Variants in PUDP observed in about 807,000 individuals in gnomAD.
The protein encoded by PUDP is pseudouridine-5'-phosphatase.
A neutral mutation model predicts 9.4 loss-of-function variants in PUDP; 8 were observed. That is an observed-to-expected ratio of 0.85 (90% CI 0.50 to 1.53). The LOEUF is 1.53. PUDP is among the 40% of genes most tolerant of loss of function. The pLI, the probability that PUDP is intolerant of heterozygous loss-of-function variation, is 0.00. For synonymous variants in PUDP, 99 were observed against 80.7 expected (o/e 1.23, Z -1.22); for missense variants, 188 against 189.7 (o/e 0.99, Z 0.05).
intron 3 of PUDP, among the ~76,000 whole-genome samples, chrX:6,743,834 G>C (rs1924967751): frequency 8.9e-6 from 1 of 112,200 alleles, no homozygotes; most frequent in Non-Finnish European, 1.9e-5. Flanking sequence ...ATACAGGGAA[G>C]TTATAATAAG....
chrX:6,876,430 A>G (rs1602655482), intron 3 of PUDP, among the ~76,000 whole-genome samples: 1 of 110,738 alleles, frequency 9.0e-6, no homozygotes, highest in East Asian at 2.9e-4. Flanking sequence ...GTGTGTGTGT[A>G]TATGCATATA....
chrX:6,973,912 G>T (rs767986190), intron 3 of PUDP, among the ~76,000 whole-genome samples: 88 of 111,594 alleles, frequency 7.9e-4, no homozygotes, highest in African/African-American at 2.9e-3. Flanking sequence ...ATATATTTAG[G>T]ATAGTTAGCT....
At position 6,851,497 on chromosome X, in the gene PUDP, G is replaced by GGA. The variant is rs1168463269; in HGVS notation, c.*247+125634_*247+125635dup. Among the ~76,000 whole-genome samples the GGA allele has an allele frequency of 4.4e-4, 48 of 109,174 alleles. 1 individual carries two copies. Among genetic ancestry groups the GGA allele is most frequent in the Non-Finnish European group, 7.1e-4 (37 of 52,260 alleles). 94.8% of individuals were successfully genotyped at this position (109,174 alleles called of 115,157 possible). ...GAAAGAGAGGAAGATGGAGAGAAAGGGAGAGAGAGAGAGAGAAGGGAGCGA... is the reference window on the plus strand; with the variant it reads ...GAAAGAGAGGAAGATGGAGAGAAAGGGAGAGAGAGAGAGAGAGAAGGGAGCGA... On this transcript the variant is annotated intron_variant and NMD_transcript_variant, in intron 3 of 3. Coordinates refer to the PUDP transcript ENST00000655425.
intron 3 of PUDP, among the ~76,000 whole-genome samples, chrX:6,733,951 T>C (rs1040943546): frequency 1.8e-5 from 2 of 108,597 alleles, no homozygotes; most frequent in Non-Finnish European, 3.8e-5. Context: ...CTAATTTTCA[T>C]ATTTTTACTA....
intron 3 of PUDP, among the ~76,000 whole-genome samples, chrX:6,973,734 G>C (rs776187379): frequency 9.0e-6 from 1 of 111,280 alleles, no homozygotes; most frequent in African/African-American, 3.3e-5. Flanking sequence ...CTTGGTCCAG[G>C]GCTGAGTTCA....
At chrX:6,979,621 T>C (rs1217072281) in intron 1 of PUDP, among the ~76,000 whole-genome samples, 2 of 111,982 alleles carry the variant, frequency 1.8e-5, no homozygotes, top group Non-Finnish European at 3.8e-5. Flanking sequence ...ACCTAGTTCC[T>C]GCTAAGCCTT....
chrX:6,820,861 G>A (rs958483219), intron 3 of PUDP, among the ~76,000 whole-genome samples: 1 of 111,456 alleles, frequency 9.0e-6, no homozygotes, highest in Non-Finnish European at 1.9e-5. Flanking sequence ...TCTAGAGGAC[G>A]GTGGCCCACT....
intron 1 of PUDP, among the ~76,000 whole-genome samples, chrX:7,010,756 C>T (rs1226220661): frequency 1.8e-5 from 2 of 111,840 alleles, no homozygotes; most frequent in Non-Finnish European, 3.8e-5. Context: ...TCTCCCCAGG[C>T]TCATTGAACA....
intron 3 of PUDP, among the ~76,000 whole-genome samples, chrX:7,075,105 G>C (rs181095028): frequency 4.7e-4 from 53 of 112,122 alleles, no homozygotes; most frequent in African/African-American, 1.7e-3. Flanking sequence ...TAAAACACTT[G>C]GAATTTCTGA....
chrX:7,145,607 T>G (rs745638280), intron 1 of PUDP, among the ~76,000 whole-genome samples: 2 of 110,580 alleles, frequency 1.8e-5, no homozygotes, highest in South Asian at 7.8e-4. Flanking sequence ...GTATTTTTTT[T>G]TTTTTTTAAA....
chrX:7,121,283 T>C (rs1296724928), intron 1 of PUDP, among the ~76,000 whole-genome samples: 1 of 112,048 alleles, frequency 8.9e-6, no homozygotes, highest in Non-Finnish European at 1.9e-5. Context: ...GAAATCTTCC[T>C]GGGACTTCTC....
chrX:7,110,799 G>A (rs949833581), intron 1 of PUDP, among the ~76,000 whole-genome samples: 17 of 111,038 alleles, frequency 1.5e-4, no homozygotes, highest in Non-Finnish European at 5.7e-5. Flanking sequence ...GAGCTTCTGA[G>A]ACTCATTGTC....
intron 3 of PUDP, among the ~76,000 whole-genome samples, chrX:6,825,173 C>T (rs1165480582): frequency 1.8e-5 from 2 of 111,457 alleles, no homozygotes; most frequent in South Asian, 7.6e-4. Context: ...CTGCACATAA[C>T]GTTTTAGGAT....
chrX:7,060,612 A>G (rs968956073), intron 3 of PUDP, among the ~76,000 whole-genome samples: 3 of 112,428 alleles, frequency 2.7e-5, no homozygotes, highest in Non-Finnish European at 5.6e-5. Context: ...AAATCGATGA[A>G]GGTCCCGCAA....
intron 1 of PUDP, among the ~76,000 whole-genome samples, chrX:7,110,320 A>C (rs1462053482): frequency 2.7e-5 from 3 of 112,501 alleles, no homozygotes; most frequent in African/African-American, 9.7e-5. Context: ...AATGTATCTT[A>C]AATGCTCACT....
chrX:7,005,963 G>A (rs1602710571), intron 1 of PUDP, among the ~76,000 whole-genome samples: 1 of 111,496 alleles, frequency 9.0e-6, no homozygotes, highest in Admixed American at 9.5e-5. Flanking sequence ...ATTTCACTTA[G>A]CATAATGTCC....
intron 3 of PUDP, among the ~76,000 whole-genome samples, chrX:6,871,976 C>A (rs1415983305): frequency 1.8e-5 from 2 of 111,636 alleles, no homozygotes; most frequent in African/African-American, 6.5e-5. Flanking sequence ...CTGGTGAGGA[C>A]CTGCTTCCTG....
At chrX:6,815,902 C>T (rs938367258) in intron 3 of PUDP, among the ~76,000 whole-genome samples, 1 of 108,643 alleles carries the variant, frequency 9.2e-6, no homozygotes, top group Non-Finnish European at 1.9e-5. Flanking sequence ...AAATCTAAAC[C>T]TTCCTCGCCA....
At chrX:6,921,433 T>C (rs1445750550) in intron 3 of PUDP, among the ~76,000 whole-genome samples, 2 of 111,154 alleles carry the variant, frequency 1.8e-5, no homozygotes, top group African/African-American at 6.5e-5. Context: ...TCATTGTTGT[T>C]GGTGTCTTTT....
Sources: allele counts gnomAD v4.1 joint callset (sites outside exome capture counted in the v4.1 genomes callset), GRCh38; gene constraint gnomAD v4.1.1; transcripts MANE v1.5; gene names NCBI Gene and HGNC (gene_info 2026-07-23, HGNC 2026-07-21).